The following CNTNAP4 variants were observed in gnomAD, a reference collection of about 807,000 sequenced individuals.
CNTNAP4 encodes contactin-associated protein-like 4.
CNTNAP4 carries 98 observed loss-of-function variants against 148.4 expected under a neutral mutation model. The ratio of observed to expected loss-of-function variants is 0.66; its 90% CI spans 0.56 to 0.78. CNTNAP4 has a LOEUF of 0.78. Ranked by LOEUF, CNTNAP4 falls within the 30% of genes least tolerant of loss-of-function variation. The probability of loss-of-function intolerance (pLI) is 0.00; values close to 1 mark genes in which losing one functional copy is unlikely to be tolerated. For synonymous variants in CNTNAP4, 730 were observed against 565.1 expected (o/e 1.29, Z -4.14); for missense variants, 1,935 against 1,565.6 (o/e 1.24, Z -3.98).
At chr16:76,430,338 T>C (rs996900236) in intron 4 of CNTNAP4, among the ~76,000 whole-genome samples, 6 of 152,122 alleles carry the variant, frequency 3.9e-5, no homozygotes, top group African/African-American at 1.4e-4. Flanking sequence ...ACATACAGCT[T>C]GCTCTGGGTG....
chr16:76,430,412 G>T (rs2079564884), intron 4 of CNTNAP4, among the ~76,000 whole-genome samples: 1 of 152,118 alleles, frequency 6.6e-6, no homozygotes, highest in African/African-American at 2.4e-5. Flanking sequence ...GGCTGTAGTT[G>T]CTATCATCAC....
At chr16:76,352,969 A>G (rs1028429320) in intron 2 of CNTNAP4, among the ~76,000 whole-genome samples, 3 of 152,210 alleles carry the variant, frequency 2.0e-5, no homozygotes, top group Non-Finnish European at 4.4e-5. Flanking sequence ...GACCATGTCT[A>G]TGCAACAAGC....
rs2082137635 is a variant in CNTNAP4, at chr16:76,489,578, A to G, written c.1883-108A>G. 1.3e-5 allele frequency: 7 copies of G among 559,530 alleles called. No individual in the cohort carries two copies. The East Asian group carries it at 2.2e-4, about 18-fold the overall frequency. 34.7% of individuals were successfully genotyped at this position (559,530 alleles called of 1,614,324 possible). A position where few individuals can be genotyped will look rare whatever the true frequency, so the allele number is the denominator to read the frequency against. On this transcript the variant is annotated intron_variant, in intron 12 of 23. Coordinates refer to ENST00000611870, the MANE Select transcript of CNTNAP4 (RefSeq NM_033401.5). ...TACCTCTCAGGGAAGTTTGATGACT[A>G]GAAACATTTGACTCAGATAAAAGGT...
At chr16:76,302,024 G>A (rs1462750999) in intron 1 of CNTNAP4, among the ~76,000 whole-genome samples, 2 of 152,022 alleles carry the variant, frequency 1.3e-5, no homozygotes, top group African/African-American at 4.8e-5. Context: ...GGTCTCTACT[G>A]GTTTGAACTG....
At chr16:76,437,040 CAA>C in intron 4 of CNTNAP4, among the ~76,000 whole-genome samples, 1 of 151,660 alleles carries the variant, frequency 6.6e-6, no homozygotes, top group South Asian at 2.1e-4. Context: ...CAAGGTCCTA[CAA>C]TAGGCCATCT....
intron 3 of CNTNAP4, among the ~76,000 whole-genome samples, chr16:76,395,866 C>T (rs1021479974): frequency 6.6e-6 from 1 of 151,724 alleles, no homozygotes; most frequent in Non-Finnish European, 1.5e-5. Context: ...GTAGCTAGGA[C>T]TACAGGTGTG....
chr16:76,376,907 T>TG (rs2015471306), intron 3 of CNTNAP4, among the ~76,000 whole-genome samples: 59 of 143,546 alleles, frequency 4.1e-4, no homozygotes, highest in African/African-American at 1.3e-3. Flanking sequence ...CTAACAAGGT[T>TG]TGTGTGTGTG....
chr16:76,511,757 C>G (rs1345317842), intron 15 of CNTNAP4, among the ~76,000 whole-genome samples: 2 of 151,856 alleles, frequency 1.3e-5, no homozygotes, highest in African/African-American at 4.8e-5. Flanking sequence ...TTTCTTCCCT[C>G]TTTCCACTTG....
At chr16:76,354,676 A>T (rs1231345527) in intron 2 of CNTNAP4, among the ~76,000 whole-genome samples, 1 of 152,206 alleles carries the variant, frequency 6.6e-6, no homozygotes, top group Non-Finnish European at 1.5e-5. Context: ...GTCTCTCACA[A>T]ACTGTTGGGA....
chr16:76,522,638 T>TTCCTTCC (rs2083509066), intron 17 of CNTNAP4, among the ~76,000 whole-genome samples: 3 of 82,576 alleles, frequency 3.6e-5, no homozygotes, highest in Non-Finnish European at 5.1e-5. Context: ...TCCTTCCTTC[T>TTCCTTCC]TTCTTTCTTT....
chr16:76,555,987 C>T (rs1033790281), intron 23 of CNTNAP4, among the ~76,000 whole-genome samples: 7 of 152,162 alleles, frequency 4.6e-5, no homozygotes, highest in African/African-American at 1.7e-4. Context: ...GTGTGTTACA[C>T]AATCTGGTAG....
intron 3 of CNTNAP4, among the ~76,000 whole-genome samples, chr16:76,377,082 G>A (rs73615707): frequency 0.011 from 1,674 of 152,122 alleles, 25 homozygotes; most frequent in African/African-American, 0.037. Context: ...AGGACTCAGG[G>A]CAGAGTTGCA....
rs571926511 is a variant in CNTNAP4, at chr16:76,408,330, A to G, written c.391-19122A>G. Among the ~76,000 whole-genome samples, 792 of 152,214 alleles carry G rather than the reference A, an allele frequency of 5.2e-3. 11 individuals are homozygous for G. Among genetic ancestry groups the G allele is most frequent in the African/African-American group, 0.018 (767 of 41,552 alleles). On this transcript the variant is annotated intron_variant, in intron 3 of 23. Transcript: ENST00000611870. ...TAAATTACTAAGCTTCTTACATAGAACTAATTTAATTAAGCTATTGCTTAA... is the reference window on the plus strand; with the variant it reads ...TAAATTACTAAGCTTCTTACATAGAGCTAATTTAATTAAGCTATTGCTTAA...
At chr16:76,484,602 G>GTA (rs1469682254) in intron 12 of CNTNAP4, among the ~76,000 whole-genome samples, 1 of 152,082 alleles carries the variant, frequency 6.6e-6, no homozygotes, top group African/African-American at 2.4e-5. Flanking sequence ...AGTGTAGGAG[G>GTA]TATAGCTTGA....
rs550382387 is a variant in CNTNAP4 at position 76,559,689 on chromosome 16, A to G, written c.*1006A>G. Among the ~76,000 whole-genome samples, 1 of 152,288 alleles carries G rather than the reference A, an allele frequency of 6.6e-6. No individual in the cohort carries two copies. The highest frequency in any genetic ancestry group is 2.1e-4 in the South Asian group (1 of 4,820). The stretch of plus-strand genomic sequence containing the variant: ...ATCACAAACTTCGCCTTGATCTTCA[A>G]TGATTATACTTCACGAATCATCTTA... On this transcript the variant is annotated 3_prime_UTR_variant, in exon 24 of 24. Transcript: ENST00000611870.
intron 10 of CNTNAP4, among the ~76,000 whole-genome samples, chr16:76,470,186 C>G (rs1223336674): frequency 6.6e-6 from 1 of 152,106 alleles, no homozygotes; most frequent in Non-Finnish European, 1.5e-5. Context: ...AGCCCAGCCT[C>G]TAACCCCAGC....
chr16:76,330,196 A>G (rs1396523716), intron 2 of CNTNAP4, among the ~76,000 whole-genome samples: 1 of 152,160 alleles, frequency 6.6e-6, no homozygotes, highest in African/African-American at 2.4e-5. Flanking sequence ...GGTTTTTTAA[A>G]TCACCATAGT....
At chr16:76,416,188 A>G (rs1041273106) in intron 3 of CNTNAP4, among the ~76,000 whole-genome samples, 11 of 151,138 alleles carry the variant, frequency 7.3e-5, no homozygotes, top group African/African-American at 2.7e-4. Flanking sequence ...AGGTTTATCA[A>G]TCTTAGCAAA....
chr16:76,529,867 G>GTGTA (rs1330718021), intron 17 of CNTNAP4, among the ~76,000 whole-genome samples: 3 of 151,922 alleles, frequency 2.0e-5, no homozygotes, highest in African/African-American at 7.3e-5. Flanking sequence ...GTGTGTGTGT[G>GTGTA]TGTGTAAACA....
Sources: gnomAD v4.1 joint callset for allele counts (sites outside exome capture counted in the v4.1 genomes callset) on GRCh38, gnomAD v4.1.1 for gene constraint, MANE v1.5 for transcripts, NCBI Gene and HGNC (gene_info 2026-07-23, HGNC 2026-07-21) for gene names.